The following HERC2 variants were observed in gnomAD, a reference collection of about 807,000 sequenced individuals.
HERC2 encodes E3 ubiquitin-protein ligase HERC2.
A neutral mutation model predicts 537.7 loss-of-function variants in HERC2; 102 were observed. The ratio of observed to expected loss-of-function variants is 0.19; its 90% CI spans 0.16 to 0.22. The LOEUF (loss-of-function observed/expected upper bound fraction) is 0.22, where lower values mean the gene tolerates loss of function less well. Ranked by LOEUF, HERC2 falls within the 10% of genes least tolerant of loss-of-function variation. HERC2 has a pLI of 1.00. For synonymous variants in HERC2, 2,224 were observed against 2,466.2 expected (o/e 0.90, Z 2.91); for missense variants, 4,236 against 6,198.2 (o/e 0.68, Z 10.63).
At chr15:28,144,873 C>A in intron 71 of HERC2, 69 bp from the exon 72 acceptor site, 1 of 1,598,322 alleles carries the variant, frequency 6.3e-7, no homozygotes, top group Non-Finnish European at 8.5e-7. Context: ...CCTTCTTAGA[C>A]GCAAAGCAGA....
chr15:28,186,159 T>A (rs750220049), intron 56 of HERC2, among the ~76,000 whole-genome samples: 1 of 152,284 alleles, frequency 6.6e-6, no homozygotes, highest in Non-Finnish European at 1.5e-5. Flanking sequence ...GTAAACAATA[T>A]ATATATTTCA....
At chr15:28,127,331 G>C (rs1889609491) in intron 83 of HERC2, among the ~76,000 whole-genome samples, 1 of 152,224 alleles carries the variant, frequency 6.6e-6, no homozygotes, top group South Asian at 2.1e-4. Flanking sequence ...CCACATGCAA[G>C]GGGAGGAGCC....
At chr15:28,315,319 G>A (rs2077052163) in intron 2 of HERC2, among the ~76,000 whole-genome samples, 1 of 152,250 alleles carries the variant, frequency 6.6e-6, no homozygotes, top group Admixed American at 6.5e-5. Context: ...TTGGTAGGCA[G>A]TCAGGAAGCC....
At chr15:28,240,334 C>T (rs1412540860) in intron 23 of HERC2, among the ~76,000 whole-genome samples, 1 of 152,196 alleles carries the variant, frequency 6.6e-6, no homozygotes, top group Non-Finnish European at 1.5e-5. Context: ...AGGAGAATGG[C>T]ATGAACCTGG....
At chr15:28,303,642 TAC>T (rs2076696064) in intron 2 of HERC2, among the ~76,000 whole-genome samples, 1 of 152,198 alleles carries the variant, frequency 6.6e-6, no homozygotes, top group African/African-American at 2.4e-5. Flanking sequence ...CTTTGGGTAG[TAC>T]AGACATTTTA....
At chr15:28,306,314 GAATTT>G (rs2076786803) in intron 2 of HERC2, among the ~76,000 whole-genome samples, 1 of 152,158 alleles carries the variant, frequency 6.6e-6, no homozygotes, top group Admixed American at 6.5e-5. Flanking sequence ...TTTTCAGCAT[GAATTT>G]AAATGATCAT....
At position 28,169,517 on chromosome 15, in the gene HERC2, T is replaced by C. The variant is rs774228285; in HGVS notation, c.10196A>G (p.His3399Arg). Reference sequence around the variant, plus strand: ...CATGATTTGCAATGCTGTAAGAATATGTGATAAGGCCTGCTGTTTGGCCAG... The same window carrying C: ...CATGATTTGCAATGCTGTAAGAATACGTGATAAGGCCTGCTGTTTGGCCAG... ...GNLAKQQALS[H>R]ILTALQIMYA... Residue 3399 changes from histidine (H) to arginine (R), a missense_variant, in exon 66 of 93, where the codon CAT (histidine) becomes CGT (arginine). By Grantham distance (29) the His-to-Arg change is conservative. Around this residue, in one of 27 missense-constraint regions of HERC2, gnomAD observed 356 missense variants for 450.9 expected, o/e 0.79. Transcript: ENST00000261609. The C allele has an allele frequency of 8.1e-6, 13 of 1,610,254 alleles. No individual in the cohort carries two copies. The highest frequency in any genetic ancestry group is 1.0e-5 in the Non-Finnish European group (12 of 1,178,020).
chr15:28,309,834 G>A (rs1193395545), intron 2 of HERC2, among the ~76,000 whole-genome samples: 5 of 152,146 alleles, frequency 3.3e-5, no homozygotes, highest in Non-Finnish European at 5.9e-5. Context: ...GTTCTGTAGC[G>A]ACAGAAACCA....
At chr15:28,164,548 T>C (rs1893940247) in intron 68 of HERC2, among the ~76,000 whole-genome samples, 1 of 152,206 alleles carries the variant, frequency 6.6e-6, no homozygotes, top group Non-Finnish European at 1.5e-5. Flanking sequence ...TTTTTTTTTA[T>C]GAGGGTGTCT....
chr15:28,267,937 G>T (rs1219651922), intron 12 of HERC2, among the ~76,000 whole-genome samples: 2 of 152,214 alleles, frequency 1.3e-5, no homozygotes, highest in Admixed American at 1.3e-4. Context: ...GTACAAGAGG[G>T]TTCCCATCAC....
rs962867036 is a variant in HERC2, at chr15:28,111,947, T to G, written c.14321A>C (p.Lys4774Thr). 5 of 1,614,026 alleles carry G rather than the reference T, an allele frequency of 3.1e-6. No homozygotes were observed. Among genetic ancestry groups the G allele is most frequent in the Non-Finnish European group, 3.4e-6 (4 of 1,180,020 alleles). The change falls in exon 93 of 93, where the codon AAG (lysine) becomes ACG (threonine). Residue 4774 changes from lysine (K) to threonine (T), a missense_variant. Physicochemically the swap from Lys to Thr is moderately conservative, Grantham distance 78 (BLOSUM62 -1). Transcript: ENST00000261609. ...FLLKLPRYSC[K>T]QVLEEKLKYA... is the part of the protein sequence containing the mutation. ...CTTGAGCTTCTCCTCCAGCACCTGC[T>G]TGCAGGAATACCTGGGCAGCTTCAG...
At position 28,179,689 on chromosome 15, in the gene HERC2, T is replaced by C. The variant is rs529242248; in HGVS notation, c.8938-466A>G. Among the ~76,000 whole-genome samples, 3 of 152,344 alleles carry C rather than the reference T, an allele frequency of 2.0e-5. No individual in the cohort carries two copies. The East Asian group carries it at 5.8e-4, about 29-fold the overall frequency. On this transcript the variant is annotated intron_variant, in intron 57 of 92. Coordinates refer to ENST00000261609, the MANE Select transcript of HERC2 (RefSeq NM_004667.6). ...GGAGGGATTCCAGAAGGCACTGCTG[T>C]CACAGGAAAGGACAGCTAGCTCCTT...
intron 2 of HERC2, among the ~76,000 whole-genome samples, chr15:28,316,977 A>G (rs538050766): frequency 2.0e-5 from 3 of 152,078 alleles, no homozygotes; most frequent in African/African-American, 7.2e-5. Context: ...GGGTTTCACC[A>G]TGTTGGCCAG....
chr15:28,308,379 C>T (rs992661381), intron 2 of HERC2, among the ~76,000 whole-genome samples: 1 of 152,188 alleles, frequency 6.6e-6, no homozygotes, highest in African/African-American at 2.4e-5. Context: ...CACAGAAATG[C>T]TACTGATTTT....
Position 28,115,437 on chromosome 15 carries a change from G to T in HERC2, c.13714C>A (p.Leu4572Ile). The change falls in exon 89 of 93, where the codon CTC becomes ATC. Residue 4572 changes from leucine (L) to isoleucine (I), a missense_variant. Coordinates refer to ENST00000261609, the MANE Select transcript of HERC2 (RefSeq NM_004667.6). ...LAGMSLTIAD[L>I]SEVDKDFIPG... ...CCGCCCCAGGGAGTTACCTCACTGA[G>T]GTCCGCGATGGTGAGGCTCATCCCA... The T allele has an allele frequency of 6.2e-7, 1 of 1,613,278 alleles. No individual in the cohort carries two copies. The highest frequency in any genetic ancestry group is 8.5e-7 in the Non-Finnish European group (1 of 1,179,426).
At chr15:28,246,506 T>C (rs1903718706) in intron 22 of HERC2, among the ~76,000 whole-genome samples, 1 of 151,840 alleles carries the variant, frequency 6.6e-6, no homozygotes, top group African/African-American at 2.4e-5. Flanking sequence ...TATTGAAATG[T>C]CAATAATGGA....
intron 5 of HERC2, among the ~76,000 whole-genome samples, chr15:28,278,321 T>C (rs2075931529): frequency 6.6e-6 from 1 of 152,020 alleles, no homozygotes; most frequent in South Asian, 2.1e-4. Flanking sequence ...AGGTCAAAGC[T>C]GCAGGAAGCC....
intron 30 of HERC2, among the ~76,000 whole-genome samples, chr15:28,231,002 AAAGC>A (rs2033316234): frequency 6.6e-6 from 1 of 151,996 alleles, no homozygotes; most frequent in African/African-American, 2.4e-5. Flanking sequence ...TGGGCAACAC[AAAGC>A]AAGCAAGAGG....
chr15:28,180,949 G>A (rs1895762550), intron 57 of HERC2, among the ~76,000 whole-genome samples: 1 of 152,104 alleles, frequency 6.6e-6, no homozygotes, highest in South Asian at 2.1e-4. Flanking sequence ...ACAGATCTTG[G>A]TATCCACAGG....
Sources: allele counts gnomAD v4.1 joint callset (sites outside exome capture counted in the v4.1 genomes callset), GRCh38; gene constraint gnomAD v4.1.1; regional missense constraint gnomAD v4.1.1; transcripts MANE v1.5; gene names NCBI Gene and HGNC (gene_info 2026-07-23, HGNC 2026-07-21).